SGCZ: variants seen among roughly 807,000 people sequenced by gnomAD.
SGCZ encodes the protein zeta-sarcoglycan.
Under a neutral mutation model 41.3 loss-of-function variants are expected in SGCZ, and 40 were observed. The observed-to-expected ratio is 0.97, with a 90% CI of 0.75 to 1.26. The LOEUF (loss-of-function observed/expected upper bound fraction) is 1.26. SGCZ is among the 50% of genes most tolerant of loss of function. SGCZ has a pLI of 0.00. For missense variants in SGCZ, 552 were observed against 369.8 expected, an observed-to-expected ratio of 1.49 and a Z score of -4.04; for synonymous variants, 206 against 137.5, an observed-to-expected ratio of 1.50 and a Z score of -3.49.
At chr8:14,758,920 A>T (rs1202173352) in intron 1 of SGCZ, among the ~76,000 whole-genome samples, 1 of 151,860 alleles carries the variant, frequency 6.6e-6, no homozygotes, top group Non-Finnish European at 1.5e-5. Context: ...AGGCAGGAGA[A>T]TCAGTTGAAC....
chr8:14,177,673 CTA>C (rs1804584436), intron 4 of SGCZ, among the ~76,000 whole-genome samples: 1 of 115,108 alleles, frequency 8.7e-6, no homozygotes, highest in South Asian at 2.5e-4. Context: ...CCACGCCCTG[CTA>C]TTTTTTTTTT....
chr8:14,996,869 A>G lies in SGCZ; in HGVS notation c.39+240716T>C, dbSNP rs567503492. ...TCCTTGGCCAACTTGAGAGGCACTG[A>G]AACTTCTGCCGTGGCTTCTACAATT... On this transcript the variant is annotated intron_variant, in intron 1 of 7. Transcript: ENST00000382080. 2.6e-5 allele frequency among the ~76,000 whole-genome samples: 4 copies of G among 152,360 alleles called. No homozygotes were observed. In the South Asian group the frequency reaches 8.3e-4, roughly 32 times the overall value.
At chr8:15,018,718 A>C (rs1485908452) in intron 1 of SGCZ, among the ~76,000 whole-genome samples, 1 of 152,198 alleles carries the variant, frequency 6.6e-6, no homozygotes, top group African/African-American at 2.4e-5. Flanking sequence ...AAGCCACTGG[A>C]AGGTTGTAGA....
At chr8:14,298,162 T>A (rs1182903613) in intron 3 of SGCZ, among the ~76,000 whole-genome samples, 1 of 151,990 alleles carries the variant, frequency 6.6e-6, no homozygotes, top group East Asian at 1.9e-4. Context: ...TAAAACACAT[T>A]CATGATAAAT....
In SGCZ at chr8:14,239,718, C is replaced by T. The variant is rs544346788; in HGVS notation, c.337-2039G>A. ...GAGATCGAGACCATCCCGGCTAAAA[C>T]GGTGAAACCCCGTCTCTACTAAAAA... On this transcript the variant is annotated intron_variant, in intron 3 of 7. Coordinates refer to ENST00000382080, the MANE Select transcript of SGCZ (RefSeq NM_139167.4). Among the ~76,000 whole-genome samples the T allele has an allele frequency of 1.6e-3, 241 of 150,892 alleles. 2 individuals are homozygous for T. Among genetic ancestry groups the T allele is most frequent in the Non-Finnish European group, 2.7e-3 (182 of 67,698 alleles).
At chr8:14,251,346 C>T (rs76983255) in intron 3 of SGCZ, among the ~76,000 whole-genome samples, 4,457 of 152,244 alleles carry the variant, frequency 0.029, 216 homozygotes, top group African/African-American at 0.1. Flanking sequence ...AGAGCAGGCA[C>T]CGGCCAACTT....
chr8:14,443,161 C>T (rs528937632), intron 2 of SGCZ, among the ~76,000 whole-genome samples: 168 of 152,130 alleles, frequency 1.1e-3, no homozygotes, highest in Admixed American at 1.8e-3. Flanking sequence ...AAATAAAAGA[C>T]GATAGAAACA....
At chr8:14,749,905 A>T (rs1252855879) in intron 1 of SGCZ, among the ~76,000 whole-genome samples, 2 of 152,198 alleles carry the variant, frequency 1.3e-5, no homozygotes, top group Non-Finnish European at 2.9e-5. Flanking sequence ...CTGAAAGAAT[A>T]TTATGTACAA....
chr8:14,962,406 G>A (rs1056875113), intron 1 of SGCZ, among the ~76,000 whole-genome samples: 1 of 151,322 alleles, frequency 6.6e-6, no homozygotes, highest in Non-Finnish European at 1.5e-5. Context: ...ATATATATCT[G>A]TACAATTTAT....
At chr8:14,737,024 T>C (rs565305776) in intron 1 of SGCZ, among the ~76,000 whole-genome samples, 6 of 150,700 alleles carry the variant, frequency 4.0e-5, no homozygotes, top group African/African-American at 1.5e-4. Context: ...TATATAGATA[T>C]ATATATTATA....
chr8:15,161,134 C>T (rs1391358480), intron 1 of SGCZ, among the ~76,000 whole-genome samples: 1 of 152,090 alleles, frequency 6.6e-6, no homozygotes, highest in Non-Finnish European at 1.5e-5. Flanking sequence ...CACCTCCTAC[C>T]ATTCTTCACC....
chr8:14,595,400 AACACAC>A (rs34287378), intron 1 of SGCZ, among the ~76,000 whole-genome samples: 1,569 of 136,382 alleles, frequency 0.012, 14 homozygotes, highest in African/African-American at 0.037. Flanking sequence ...AACATGCACA[AACACAC>A]ACACACACAC....
intron 4 of SGCZ, among the ~76,000 whole-genome samples, chr8:14,231,711 G>A (rs1220102358): frequency 6.6e-6 from 1 of 152,048 alleles, no homozygotes; most frequent in African/African-American, 2.4e-5. Context: ...TTCTTTTAAT[G>A]TAGAGTTGTT....
At chr8:15,066,066 T>TGGGAGGCCGA (rs1487705915) in intron 1 of SGCZ, among the ~76,000 whole-genome samples, 1 of 151,622 alleles carries the variant, frequency 6.6e-6, no homozygotes, top group Non-Finnish European at 1.5e-5. Flanking sequence ...CCCAGCACTT[T>TGGGAGGCCGA]GGGAGGCCGA....
intron 1 of SGCZ, among the ~76,000 whole-genome samples, chr8:14,783,280 A>C (rs1476094659): frequency 6.6e-6 from 1 of 152,186 alleles, no homozygotes; most frequent in African/African-American, 2.4e-5. Flanking sequence ...CTGAAGATAC[A>C]AAAATTAACT....
At chr8:14,826,520 C>T (rs1802325018) in intron 1 of SGCZ, among the ~76,000 whole-genome samples, 1 of 152,154 alleles carries the variant, frequency 6.6e-6, no homozygotes, top group South Asian at 2.1e-4. Flanking sequence ...CTGACTTCCA[C>T]AATGGTTGAA....
At chr8:14,296,467 A>G (rs1801015223) in intron 3 of SGCZ, among the ~76,000 whole-genome samples, 1 of 152,212 alleles carries the variant, frequency 6.6e-6, no homozygotes, top group Non-Finnish European at 1.5e-5. Context: ...AATACTTATC[A>G]TATTTTACAT....
intron 1 of SGCZ, among the ~76,000 whole-genome samples, chr8:15,223,868 A>G (rs1801686373): frequency 1.3e-5 from 2 of 151,766 alleles, no homozygotes; most frequent in Non-Finnish European, 2.9e-5. Flanking sequence ...TTATTTATTT[A>G]TTTATTTATT....
intron 1 of SGCZ, among the ~76,000 whole-genome samples, chr8:15,036,994 T>C (rs894609296): frequency 2.0e-5 from 3 of 152,148 alleles, no homozygotes; most frequent in African/African-American, 4.8e-5. Context: ...AGAGAAACTA[T>C]AAGATAATCT....
Sources: gnomAD v4.1 joint callset for allele counts (sites outside exome capture counted in the v4.1 genomes callset) on GRCh38, gnomAD v4.1.1 for gene constraint, MANE v1.5 for transcripts, NCBI Gene and HGNC (gene_info 2026-07-23, HGNC 2026-07-21) for gene names.